The following ROBO2 variants were observed in gnomAD, a reference collection of about 807,000 sequenced individuals.
ROBO2 encodes the protein roundabout homolog 2.
Under a neutral mutation model 160.8 loss-of-function variants are expected in ROBO2, and 53 were observed. That is an observed-to-expected ratio of 0.33 (90% CI 0.26 to 0.41). The LOEUF (loss-of-function observed/expected upper bound fraction) is 0.41. Ranked by LOEUF, ROBO2 falls within the 10% of genes least tolerant of loss-of-function variation. The pLI, the probability that ROBO2 is intolerant of heterozygous loss-of-function variation, is 1.00. For missense variants in ROBO2, 1,577 were observed against 1,722.4 expected (o/e 0.92, Z 1.49); for synonymous variants, 664 against 611.7 (o/e 1.09, Z -1.26).
chr3:76,411,007 C>T (rs1171327617), intron 2 of ROBO2, among the ~76,000 whole-genome samples: 1 of 151,822 alleles, frequency 6.6e-6, no homozygotes, highest in Non-Finnish European at 1.5e-5. Flanking sequence ...TCCTTCCATC[C>T]AGGGACCTGG....
chr3:76,627,973 CTATAAATTAGTTACTTTGAATATAT>C (rs1426911684), intron 2 of ROBO2, among the ~76,000 whole-genome samples: 17 of 151,934 alleles, frequency 1.1e-4, no homozygotes, highest in Admixed American at 1.0e-3. Context: ...TGGTTGATGA[CTATAAATTAGTTACTTTGAATATAT>C]TATAACAAGA....
intron 2 of ROBO2, among the ~76,000 whole-genome samples, chr3:76,004,128 C>T (rs973575339): frequency 2.0e-5 from 3 of 152,060 alleles, no homozygotes; most frequent in African/African-American, 7.2e-5. Flanking sequence ...ATTTGCATGG[C>T]CTTAAACTAT....
chr3:77,272,435 C>T (rs1055604157), intron 2 of ROBO2, among the ~76,000 whole-genome samples: 2 of 151,864 alleles, frequency 1.3e-5, no homozygotes, highest in African/African-American at 4.8e-5. Flanking sequence ...GGTGTCACAC[C>T]CTTTTAACCA....
At chr3:77,333,518 CAT>C (rs1163638901) in intron 2 of ROBO2, among the ~76,000 whole-genome samples, 5 of 152,168 alleles carry the variant, frequency 3.3e-5, no homozygotes, top group East Asian at 1.9e-4. Flanking sequence ...AATTTTAATG[CAT>C]ATGTTTATGT....
intron 2 of ROBO2, among the ~76,000 whole-genome samples, chr3:76,198,045 G>A (rs991643308): frequency 3.9e-5 from 6 of 152,086 alleles, no homozygotes; most frequent in Admixed American, 1.3e-4. Flanking sequence ...CACCCCAACC[G>A]ACTAAACGGA....
chr3:76,732,868 G>A (rs931200461), intron 2 of ROBO2, among the ~76,000 whole-genome samples: 2 of 152,054 alleles, frequency 1.3e-5, no homozygotes, highest in African/African-American at 2.4e-5. Context: ...GAGAATGTGA[G>A]GTTTATGATG....
intron 2 of ROBO2, among the ~76,000 whole-genome samples, chr3:77,284,905 T>G (rs1488589218): frequency 6.6e-6 from 1 of 152,160 alleles, no homozygotes; most frequent in Non-Finnish European, 1.5e-5. Context: ...CTTCCATGCT[T>G]TGAACTTTGG....
intron 2 of ROBO2, among the ~76,000 whole-genome samples, chr3:77,180,388 T>TTCTCTCTCTCTCTCTCTCTC (rs369947015): frequency 4.0e-5 from 4 of 99,460 alleles, no homozygotes; most frequent in Non-Finnish European, 8.5e-5. Context: ...ACCTTTTGAA[T>TTCTCTCTCTCTCTCTCTCTC]TCTCTCTCTC....
intron 2 of ROBO2, among the ~76,000 whole-genome samples, chr3:77,291,388 C>G (rs1399546906): frequency 6.8e-6 from 1 of 146,924 alleles, no homozygotes; most frequent in African/African-American, 2.5e-5. Context: ...TACATCACCC[C>G]AGACATAAAG....
chr3:77,512,117 A>G (rs1384930354), intron 5 of ROBO2, among the ~76,000 whole-genome samples: 1 of 151,876 alleles, frequency 6.6e-6, no homozygotes, highest in African/African-American at 2.4e-5. Context: ...CAACAAAATA[A>G]TGGCTTATTG....
chr3:77,214,249 G>A (rs922596406), intron 2 of ROBO2, among the ~76,000 whole-genome samples: 17 of 152,140 alleles, frequency 1.1e-4, no homozygotes, highest in Non-Finnish European at 4.4e-5. Context: ...CTTCCTTTAC[G>A]AGTCTGGGTG....
chr3:76,355,905 A>G (rs1576627163), intron 2 of ROBO2, among the ~76,000 whole-genome samples: 1 of 151,872 alleles, frequency 6.6e-6, no homozygotes, highest in Non-Finnish European at 1.5e-5. Flanking sequence ...GAGTACAACT[A>G]TACTTTAGAT....
chr3:75,924,978 G>A (rs1947228664), intron 1 of ROBO2, among the ~76,000 whole-genome samples: 1 of 151,260 alleles, frequency 6.6e-6, no homozygotes, highest in Admixed American at 6.6e-5. Flanking sequence ...GTGAGCCACC[G>A]CGCCGGCCGG....
intron 5 of ROBO2, among the ~76,000 whole-genome samples, chr3:77,510,697 T>C (rs930985645): frequency 6.6e-6 from 1 of 152,124 alleles, no homozygotes; most frequent in Non-Finnish European, 1.5e-5. Flanking sequence ...GAAGAAATTC[T>C]AAATATTTCA....
intron 2 of ROBO2, among the ~76,000 whole-genome samples, chr3:76,450,093 G>A (rs111759360): frequency 1.3e-5 from 2 of 152,036 alleles, no homozygotes; most frequent in African/African-American, 2.4e-5. Context: ...CACATCAGAC[G>A]TTTGGAAGAA....
At chr3:76,118,200 C>A (rs2070560455) in intron 2 of ROBO2, among the ~76,000 whole-genome samples, 1 of 151,834 alleles carries the variant, frequency 6.6e-6, no homozygotes, top group Admixed American at 6.6e-5. Context: ...GAAAACTGAC[C>A]ACATTATTCT....
intron 2 of ROBO2, among the ~76,000 whole-genome samples, chr3:76,981,237 T>A (rs1235693585): frequency 6.6e-6 from 1 of 152,228 alleles, no homozygotes; most frequent in African/African-American, 2.4e-5. Context: ...AGTAACTATA[T>A]GTTTTAATCT....
intron 2 of ROBO2, among the ~76,000 whole-genome samples, chr3:76,041,245 G>A (rs1049042383): frequency 6.6e-6 from 1 of 152,034 alleles, no homozygotes; most frequent in Non-Finnish European, 1.5e-5. Context: ...TACTGCTGAG[G>A]AAGATAATGT....
chr3:76,143,248 C>G (rs1474480391), intron 2 of ROBO2, among the ~76,000 whole-genome samples: 1 of 151,974 alleles, frequency 6.6e-6, no homozygotes, highest in Non-Finnish European at 1.5e-5. Context: ...CCAGGCTGGT[C>G]ATGAAATCCC....
Sources: allele counts gnomAD v4.1 joint callset (sites outside exome capture counted in the v4.1 genomes callset), GRCh38; gene constraint gnomAD v4.1.1; transcripts MANE v1.5; gene names NCBI Gene and HGNC (gene_info 2026-07-23, HGNC 2026-07-21).